The following ATG5 variants were observed in gnomAD, a reference collection of about 807,000 sequenced individuals.
The protein encoded by ATG5 is autophagy related 5, also known as autophagy protein 5.
Under a neutral mutation model 36.5 loss-of-function variants are expected in ATG5, and 14 were observed. The observed-to-expected ratio is 0.38, with a 90% CI of 0.25 to 0.60. The LOEUF (loss-of-function observed/expected upper bound fraction) is 0.60. Among genes scored for constraint, ATG5 ranks in the 20% least tolerant of loss-of-function variants. The pLI is 0.60. For missense variants in ATG5, 195 were observed against 326.7 expected, an observed-to-expected ratio of 0.60 and a Z score of 3.11; for synonymous variants, 95 against 101.5, an observed-to-expected ratio of 0.94 and a Z score of 0.38.
rs1374793410 is a variant in ATG5 at position 106,207,542 on chromosome 6, A to AG, written c.574-5454_574-5453insC. Among the ~76,000 whole-genome samples, 8 of 151,896 alleles carry AG rather than the reference A, an allele frequency of 5.3e-5. No homozygotes were observed. In the South Asian group the frequency reaches 1.0e-3, roughly 20 times the overall value. The stretch of plus-strand genomic sequence containing the variant: ...ACAGAGAGACCTCATCTCTTAAAAA[A>AG]AAAAGAAAGAAAGAAAGAAATGAAA... On this transcript the variant is annotated intron_variant, in intron 6 of 7. Transcript: ENST00000369076.
intron 6 of ATG5, among the ~76,000 whole-genome samples, chr6:106,218,846 A>G (rs1293567098): frequency 1.3e-5 from 2 of 152,184 alleles, no homozygotes; most frequent in South Asian, 2.1e-4. Context: ...TAATACAGGT[A>G]TTTTCCCTTT....
chr6:106,242,421 T>C (rs1386049837), intron 6 of ATG5, among the ~76,000 whole-genome samples: 1 of 152,136 alleles, frequency 6.6e-6, no homozygotes, highest in African/African-American at 2.4e-5. Flanking sequence ...ATCCATAAAG[T>C]AGAATGGGGA....
chr6:106,186,223 G>T lies in ATG5; in HGVS notation c.*317C>A. On this transcript the variant is annotated 3_prime_UTR_variant, in exon 8 of 8. Transcript: ENST00000369076. ...TATTTGTTAATCAGAAATACAAATC[G>T]AGTGGCACATACTTCCATTTTCTTC... The T allele has an allele frequency of 4.1e-6, 1 of 246,574 alleles. No individual in the cohort carries two copies. Among genetic ancestry groups the T allele is most frequent in the East Asian group, 7.8e-5 (1 of 12,748 alleles). 15.3% of individuals were successfully genotyped at this position (246,574 alleles called of 1,614,324 possible).
At chr6:106,249,869 T>C (rs548166855) in intron 5 of ATG5, among the ~76,000 whole-genome samples, 5 of 152,242 alleles carry the variant, frequency 3.3e-5, no homozygotes, top group African/African-American at 1.2e-4. Flanking sequence ...ATGCTGAGCA[T>C]CTTCTCATGT....
intron 2 of ATG5, among the ~76,000 whole-genome samples, chr6:106,315,149 C>T (rs895704880): frequency 6.6e-6 from 1 of 152,184 alleles, no homozygotes; most frequent in African/African-American, 2.4e-5. Context: ...CTCCAGTAAT[C>T]TGACTTTCCG....
chr6:106,211,338 G>A (rs1447420307), intron 6 of ATG5, among the ~76,000 whole-genome samples: 2 of 152,240 alleles, frequency 1.3e-5, no homozygotes, highest in Non-Finnish European at 2.9e-5. Context: ...GCCAAGCACG[G>A]ATGGAGGTGC....
chr6:106,279,369 C>T (rs1392406228), intron 5 of ATG5, among the ~76,000 whole-genome samples: 1 of 152,170 alleles, frequency 6.6e-6, no homozygotes, highest in Non-Finnish European at 1.5e-5. Context: ...GAATAAAGAC[C>T]ACATCCTTAG....
At chr6:106,252,031 G>C (rs1185657148) in intron 5 of ATG5, among the ~76,000 whole-genome samples, 1 of 152,006 alleles carries the variant, frequency 6.6e-6, no homozygotes, top group Non-Finnish European at 1.5e-5. Flanking sequence ...AGTAGAGACG[G>C]GATTTCACCA....
intron 3 of ATG5, among the ~76,000 whole-genome samples, chr6:106,293,967 C>CT (rs200687385): frequency 0.02 from 2,942 of 145,686 alleles, 77 homozygotes; most frequent in African/African-American, 0.067. Context: ...CAGATTTCAG[C>CT]TTTTTTTTTT....
intron 3 of ATG5, among the ~76,000 whole-genome samples, chr6:106,301,997 A>G (rs1333435675): frequency 6.6e-6 from 1 of 152,056 alleles, no homozygotes; most frequent in Non-Finnish European, 1.5e-5. Flanking sequence ...CAGAGTCAGC[A>G]TCCTTAATAA....
At chr6:106,235,396 A>G (rs1026983722) in intron 6 of ATG5, among the ~76,000 whole-genome samples, 3 of 152,056 alleles carry the variant, frequency 2.0e-5, no homozygotes, top group Non-Finnish European at 2.9e-5. Context: ...CACAACCCCT[A>G]CTATGCCCCA....
At chr6:106,288,092 T>C (rs1054208722) in intron 4 of ATG5, among the ~76,000 whole-genome samples, 2 of 151,600 alleles carry the variant, frequency 1.3e-5, no homozygotes, top group African/African-American at 4.9e-5. Context: ...TGCCTCAGCC[T>C]CCCGAGAAGC....
At chr6:106,307,326 T>TC (rs777557377) in intron 3 of ATG5, among the ~76,000 whole-genome samples, 1 of 152,214 alleles carries the variant, frequency 6.6e-6, no homozygotes, top group Non-Finnish European at 1.5e-5. Flanking sequence ...TGTATTTTTT[T>TC]CATTCAACTG....
At position 106,297,533 on chromosome 6, in the gene ATG5, A is replaced by G. The variant is rs78781153; in HGVS notation, c.237-4427T>C. Among the ~76,000 whole-genome samples the G allele has an allele frequency of 5.4e-3, 815 of 152,292 alleles. 10 individuals are homozygous for G. The highest frequency in any genetic ancestry group is 0.019 in the African/African-American group (780 of 41,562). ...CTCTCAGAGGTATATTTGAATGTATAAAAATTAATGAGCAATTAGTTGCAT... is the reference window on the plus strand; with the variant it reads ...CTCTCAGAGGTATATTTGAATGTATGAAAATTAATGAGCAATTAGTTGCAT... On this transcript the variant is annotated intron_variant, in intron 3 of 7. Transcript: ENST00000369076.
At chr6:106,307,737 T>C (rs571161892) in intron 3 of ATG5, among the ~76,000 whole-genome samples, 61 of 152,252 alleles carry the variant, frequency 4.0e-4, no homozygotes, top group African/African-American at 1.5e-3. Flanking sequence ...GGTTTCTCCA[T>C]GTTGGTCAGG....
intron 6 of ATG5, among the ~76,000 whole-genome samples, chr6:106,213,365 C>A (rs1006568862): frequency 3.3e-5 from 5 of 152,150 alleles, no homozygotes; most frequent in African/African-American, 1.2e-4. Context: ...ACAATCCTAA[C>A]TGGTTAATTT....
At chr6:106,278,168 T>TA (rs1779735753) in intron 5 of ATG5, among the ~76,000 whole-genome samples, 1 of 152,126 alleles carries the variant, frequency 6.6e-6, no homozygotes, top group Non-Finnish European at 1.5e-5. Flanking sequence ...CTCCAACTCC[T>TA]AGCCTCAAGT....
intron 6 of ATG5, among the ~76,000 whole-genome samples, chr6:106,244,619 A>G (rs1778259278): frequency 6.6e-6 from 1 of 152,186 alleles, no homozygotes; most frequent in South Asian, 2.1e-4. Flanking sequence ...ATTGCACTGT[A>G]TGTCTCTTCT....
chr6:106,298,288 T>C (rs1770058447), intron 3 of ATG5, among the ~76,000 whole-genome samples: 1 of 152,170 alleles, frequency 6.6e-6, no homozygotes, highest in Non-Finnish European at 1.5e-5. Flanking sequence ...AAATTTTTTT[T>C]TAAATTTCAT....
Sources: gnomAD v4.1 joint callset for allele counts (sites outside exome capture counted in the v4.1 genomes callset) on GRCh38, gnomAD v4.1.1 for gene constraint, MANE v1.5 for transcripts, NCBI Gene and HGNC (gene_info 2026-07-23, HGNC 2026-07-21) for gene names.